Variants in NDUFAF6 observed in about 807,000 individuals in gnomAD.
The protein encoded by NDUFAF6 is NADH:ubiquinone oxidoreductase complex assembly factor 6.
NDUFAF6 carries 45 observed loss-of-function variants against 40.8 expected under a neutral mutation model. The ratio of observed to expected loss-of-function variants is 1.10; its 90% CI spans 0.87 to 1.42. The LOEUF (loss-of-function observed/expected upper bound fraction) is 1.42, where lower values mean the gene tolerates loss of function less well. Ranked by LOEUF, NDUFAF6 falls within the 40% of genes most tolerant of loss-of-function variation. The pLI, the probability that NDUFAF6 is intolerant of heterozygous loss-of-function variation, is 0.00. For synonymous variants in NDUFAF6, 185 were observed against 155.9 expected, an observed-to-expected ratio of 1.19 and a Z score of -1.39; for missense variants, 435 against 418.5, an observed-to-expected ratio of 1.04 and a Z score of -0.34.
Position 95,047,179 on chromosome 8 carries a change from G to A in NDUFAF6, c.714+52G>A, listed in dbSNP as rs777834712. 1.1e-5 allele frequency: 18 copies of A among 1,612,668 alleles called. No individual in the cohort carries two copies. The East Asian group carries it at 2.0e-4, about 18-fold the overall frequency. On this transcript the variant is annotated intron_variant, in intron 6 of 8. Coordinates refer to ENST00000396124, the MANE Select transcript of NDUFAF6 (RefSeq NM_152416.4). ...TAATTTACCTCAGGAATATGGGGAA[G>A]GAAGTTATCTTTTGCTTTTTTGCTT...
rs866876818 is a variant in NDUFAF6, at chr8:94,933,837, G to C, written c.-935-11646G>C. ...TGCCTGTAATCCCAGCACTTTGTGG[G>C]GGGGGGGGGAGGATCACGAGGTCAG... is the stretch of plus-strand genomic sequence containing the variant. On this transcript the variant is annotated intron_variant, in intron 1 of 14. Coordinates refer to the NDUFAF6 transcript ENST00000396113. Among the ~76,000 whole-genome samples the C allele has an allele frequency of 6.8e-3, 1,006 of 148,252 alleles. 31 individuals are homozygous for C. Among genetic ancestry groups the C allele is most frequent in the Non-Finnish European group, 0.011 (732 of 66,566 alleles).
chr8:94,993,665 G>T (rs1826289903), intron 2 of NDUFAF6, among the ~76,000 whole-genome samples: 1 of 152,190 alleles, frequency 6.6e-6, no homozygotes, highest in East Asian at 1.9e-4. Flanking sequence ...AGTGAGGTCA[G>T]CTTGGACCAT....
intron 1 of NDUFAF6, among the ~76,000 whole-genome samples, chr8:94,973,916 C>T (rs1824703770): frequency 6.6e-6 from 1 of 151,726 alleles, no homozygotes; most frequent in South Asian, 2.1e-4. Flanking sequence ...ACTTCCCACC[C>T]TCCAGAACTG....
chr8:95,021,160 A>T (rs146659331), upstream of NDUFAF6, among the ~76,000 whole-genome samples: 81 of 152,326 alleles, frequency 5.3e-4, no homozygotes, highest in African/African-American at 1.9e-3. Flanking sequence ...TTGTAAAAAC[A>T]GTGTAATAAA....
At chr8:94,975,680 A>T (rs1824856577) in intron 1 of NDUFAF6, 1 of 152,234 alleles carries the variant, frequency 6.6e-6, no homozygotes, top group Non-Finnish European at 1.5e-5. Context: ...GAGGCATCCG[A>T]AGGGACTGCC....
At chr8:95,116,629 G>T (rs1282848305), downstream of NDUFAF6, among the ~76,000 whole-genome samples, 14 of 152,136 alleles carry the variant, frequency 9.2e-5, no homozygotes, top group Non-Finnish European at 1.9e-4. Context: ...GGAATTACAG[G>T]TGTGAGCCAC....
chr8:95,087,759 C>T (rs1809096130), intron 2 of NDUFAF6: 1 of 152,278 alleles, frequency 6.6e-6, no homozygotes, highest in African/African-American at 2.4e-5. Context: ...CCAGCTGAGC[C>T]ATCACCCAGC....
At chr8:95,115,005 T>C (rs1281901560) in intron 4 of NDUFAF6, among the ~76,000 whole-genome samples, 4 of 151,258 alleles carry the variant, frequency 2.6e-5, no homozygotes, top group African/African-American at 7.3e-5. Context: ...GAGGTTGCAG[T>C]GAGCTGAGAT....
chr8:94,963,539 T>A (rs1376531824), intron 1 of NDUFAF6, among the ~76,000 whole-genome samples: 4 of 152,258 alleles, frequency 2.6e-5, no homozygotes, highest in African/African-American at 4.8e-5. Context: ...AAAAGCTTTC[T>A]GTGCTTGAGT....
In NDUFAF6 at chr8:95,045,525, T is replaced by C; in HGVS notation, c.478-20T>C. On this transcript the variant is annotated intron_variant, in intron 4 of 8. Coordinates refer to ENST00000396124, the MANE Select transcript of NDUFAF6 (RefSeq NM_152416.4). ...ATATTGACAGTTCAACAGACTTTAT[T>C]TGCATTTTATTTGATGTAGGAAAAA... 6.4e-7 allele frequency: 1 copy of C among 1,563,470 alleles called. No individual in the cohort carries two copies. The highest frequency in any genetic ancestry group is 8.8e-7 in the Non-Finnish European group (1 of 1,134,194).
chr8:94,904,323 T>C (rs1308880048), intron 1 of NDUFAF6, among the ~76,000 whole-genome samples: 730 of 40,132 alleles, frequency 0.018, 36 homozygotes, highest in Non-Finnish European at 0.021. Context: ...TTTTTTGCTT[T>C]TTTTTTTTTT....
At chr8:95,005,243 C>T (rs1826910446) in intron 2 of NDUFAF6, among the ~76,000 whole-genome samples, 1 of 151,858 alleles carries the variant, frequency 6.6e-6, no homozygotes, top group Admixed American at 6.6e-5. Context: ...TGAGAGAGAC[C>T]CCCACCAAGC....
chr8:94,939,706 A>G (rs540778316), intron 1 of NDUFAF6: 42 of 1,113,326 alleles, frequency 3.8e-5, no homozygotes, highest in Non-Finnish European at 5.4e-5. Context: ...TCAACAAGTT[A>G]TCTTACGGAC....
intron 2 of NDUFAF6, among the ~76,000 whole-genome samples, chr8:94,986,920 G>A (rs865923809): frequency 1.2e-4 from 18 of 152,204 alleles, no homozygotes; most frequent in African/African-American, 4.1e-4. Context: ...TGTTTATGTG[G>A]GCTATGCCTA....
At chr8:95,028,485 A>G (rs1828440879) in intron 1 of NDUFAF6, among the ~76,000 whole-genome samples, 1 of 152,244 alleles carries the variant, frequency 6.6e-6, no homozygotes. Context: ...GAAGGGGGTA[A>G]TATTGTTTAG....
downstream of NDUFAF6, among the ~76,000 whole-genome samples, chr8:95,080,249 T>C (rs1469292631): frequency 1.3e-5 from 2 of 151,922 alleles, no homozygotes; most frequent in Admixed American, 1.3e-4. Context: ...TTTTTTGTAG[T>C]GTATTTTTTG....
chr8:95,108,993 G>A (rs1042402683), intron 4 of NDUFAF6, among the ~76,000 whole-genome samples: 1 of 152,118 alleles, frequency 6.6e-6, no homozygotes, highest in Admixed American at 6.6e-5. Context: ...AACCTAAGTG[G>A]AATACAGGTA....
chr8:94,911,484 G>A (rs371760441), intron 1 of NDUFAF6, among the ~76,000 whole-genome samples: 2 of 152,204 alleles, frequency 1.3e-5, no homozygotes, highest in African/African-American at 4.8e-5. Flanking sequence ...CGTTGGCTCC[G>A]CTTCTGGTGT....
At position 95,025,187 on chromosome 8, in the gene NDUFAF6, A is replaced by G; in HGVS notation, c.179A>G (p.Tyr60Cys). The change falls in exon 1 of 9, where the codon TAC becomes TGC. Residue 60 changes from tyrosine to cysteine, a missense_variant. Tyr to Cys is a radical substitution (Grantham distance 194). Coordinates refer to ENST00000396124, the MANE Select transcript of NDUFAF6 (RefSeq NM_152416.4). The stretch of plus-strand genomic sequence containing the variant: ...CCGGGCGCCTGGGGCACTGACCACT[A>G]CTGCCTGGAGCTGCTGCGGTGAGCG... ...SGPGAWGTDH[Y>C]CLELLRKRDY... is the part of the protein sequence containing the mutation. The G allele has an allele frequency of 6.8e-7, 1 of 1,465,108 alleles. No individual in the cohort carries two copies. The highest frequency in any genetic ancestry group is 1.3e-5 in the South Asian group (1 of 74,090). The allele number at this position is 1,465,108 out of a possible 1,614,324, so 90.8% of individuals were successfully genotyped here. A position where few individuals can be genotyped will look rare whatever the true frequency, so the allele number is the denominator to read the frequency against.
Sources: gnomAD v4.1 joint callset for allele counts (sites outside exome capture counted in the v4.1 genomes callset) on GRCh38, gnomAD v4.1.1 for gene constraint, MANE v1.5 for transcripts, NCBI Gene and HGNC (gene_info 2026-07-23, HGNC 2026-07-21) for gene names.